The following RUNX1T1 variants were observed in gnomAD, a reference collection of about 807,000 sequenced individuals.
The protein encoded by RUNX1T1 is RUNX1 partner transcriptional co-repressor 1, also known as protein CBFA2T1.
Under a neutral mutation model 62.8 loss-of-function variants are expected in RUNX1T1, and 4 were observed. That is an observed-to-expected ratio of 0.06 (90% CI 0.03 to 0.15). The LOEUF is 0.15. Among genes scored for constraint, RUNX1T1 ranks in the 10% least tolerant of loss-of-function variants. The pLI, the probability that RUNX1T1 is intolerant of heterozygous loss-of-function variation, is 1.00. For missense variants in RUNX1T1, 508 were observed against 754.3 expected, an observed-to-expected ratio of 0.67 and a Z score of 3.82; for synonymous variants, 291 against 286.0, an observed-to-expected ratio of 1.02 and a Z score of -0.18.
intron 1 of RUNX1T1, among the ~76,000 whole-genome samples, chr8:92,025,835 C>G (rs917332806): frequency 6.6e-6 from 1 of 152,120 alleles, no homozygotes; most frequent in Non-Finnish European, 1.5e-5. Context: ...AAATTAATCA[C>G]TAAAGATAAA....
intron 8 of RUNX1T1, among the ~76,000 whole-genome samples, chr8:91,982,053 TG>T (rs1815405167): frequency 6.6e-6 from 1 of 151,420 alleles, no homozygotes; most frequent in Non-Finnish European, 1.5e-5. Flanking sequence ...AAAACCAGAC[TG>T]GGCAATACGG....
rs1837275098 is a variant in RUNX1T1, at chr8:92,093,014, A to C, written c.-86+6566T>G. On this transcript the variant is annotated intron_variant, in intron 1 of 11. Coordinates refer to the RUNX1T1 transcript ENST00000265814. ...AACAAAACAGCTCTTCAAATCCCGCACAAATTGAAAACAGGAAAACTGATT... is the reference window on the plus strand; with the variant it reads ...AACAAAACAGCTCTTCAAATCCCGCCCAAATTGAAAACAGGAAAACTGATT... Among the ~76,000 whole-genome samples, 4 of 152,308 alleles carry C rather than the reference A, an allele frequency of 2.6e-5. No homozygotes were observed. The South Asian group carries it at 8.3e-4, about 32-fold the overall frequency.
At chr8:91,970,176 A>G (rs1336939388) in intron 10 of RUNX1T1, among the ~76,000 whole-genome samples, 4 of 152,156 alleles carry the variant, frequency 2.6e-5, no homozygotes, top group Non-Finnish European at 5.9e-5. Context: ...GACTGTCTCT[A>G]AGATCTCTTA....
rs115365260 is a variant in RUNX1T1, at chr8:92,005,410, G to T, written c.478-113C>A. On this transcript the variant is annotated intron_variant, in intron 4 of 10. Transcript: ENST00000396218. ...AGTATGCAATGCAGCTACATCAAAG[G>T]TCAAATGCATGCCATGGGCTGGAAC... 6.1e-4 allele frequency: 537 copies of T among 875,880 alleles called. 1 individual carries two copies. The African/African-American group carries it at 8.4e-3, about 14-fold the overall frequency. 54.3% of individuals were successfully genotyped at this position (875,880 alleles called of 1,614,324 possible). A position where few individuals can be genotyped will look rare whatever the true frequency, so the allele number is the denominator to read the frequency against.
rs927227604 is a variant in RUNX1T1, at chr8:92,035,778, T to C, written c.8-18415A>G. Among the ~76,000 whole-genome samples, 3 of 152,016 alleles carry C rather than the reference T, an allele frequency of 2.0e-5. No homozygotes were observed. In the East Asian group the frequency reaches 5.8e-4, roughly 29 times the overall value. On this transcript the variant is annotated intron_variant, in intron 1 of 10. Coordinates refer to ENST00000396218, the Ensembl canonical transcript of RUNX1T1. The stretch of plus-strand genomic sequence containing the variant: ...TTAGCAGGAAATATCTGCATATATA[T>C]ATATATATATTCAAAAGCATCTAAG...
In RUNX1T1 at chr8:91,964,372, C is replaced by A. The variant is rs1287798208; in HGVS notation, c.1459-3855G>T. On this transcript the variant is annotated intron_variant, in intron 10 of 10. Coordinates refer to ENST00000396218, the Ensembl canonical transcript of RUNX1T1. Reference sequence around the variant, plus strand: ...CTCCAGGTCTTACATATCTATAATTCTTCAGAAAAACTTGCACAAAATCGA... The same window carrying A: ...CTCCAGGTCTTACATATCTATAATTATTCAGAAAAACTTGCACAAAATCGA... Among the ~76,000 whole-genome samples, 5 of 152,224 alleles carry A rather than the reference C, an allele frequency of 3.3e-5. No individual in the cohort carries two copies. The East Asian group carries it at 9.7e-4, about 29-fold the overall frequency.
intron 1 of RUNX1T1, among the ~76,000 whole-genome samples, chr8:92,020,154 A>G (rs898421918): frequency 6.6e-6 from 1 of 152,216 alleles, no homozygotes; most frequent in African/African-American, 2.4e-5. Context: ...GGATGGAGAT[A>G]GATGGTGAAA....
At chr8:92,088,253 T>G (rs773298649) in intron 1 of RUNX1T1, among the ~76,000 whole-genome samples, 1 of 152,220 alleles carries the variant, frequency 6.6e-6, no homozygotes, top group Non-Finnish European at 1.5e-5. Context: ...CCCAATATCA[T>G]CTGCTGTTCT....
In RUNX1T1 at chr8:92,009,753, C is replaced by T. The variant is rs555175041; in HGVS notation, c.477+1249G>A. The T allele has an allele frequency of 8.6e-5, 13 of 152,044 alleles. No homozygotes were observed. The East Asian group carries it at 1.5e-3, about 18-fold the overall frequency. The allele number at this position is 152,044 out of a possible 1,614,324, so 9.4% of individuals were successfully genotyped here. A position where few individuals can be genotyped will look rare whatever the true frequency, so the allele number is the denominator to read the frequency against. ...TTCAAATTGTTCAACAAACAATTTG[C>T]TTTTAAATAAGAATATAGTATTATA... On this transcript the variant is annotated intron_variant, in intron 4 of 10. Coordinates refer to ENST00000396218, the Ensembl canonical transcript of RUNX1T1.
intron 10 of RUNX1T1, among the ~76,000 whole-genome samples, chr8:91,961,055 C>A (rs1369047020): frequency 1.3e-5 from 2 of 152,320 alleles, no homozygotes; most frequent in Non-Finnish European, 2.9e-5. Flanking sequence ...AGGCAAAGTC[C>A]TTTAACCTCT....
chr8:92,099,997 T>A (rs1370487756), upstream of RUNX1T1, among the ~76,000 whole-genome samples: 2 of 152,154 alleles, frequency 1.3e-5, no homozygotes, highest in Admixed American at 1.3e-4. Flanking sequence ...GGAGAGCACA[T>A]CATCAAATAC....
chr8:91,970,057 G>GTGTGTGTA, intron 10 of RUNX1T1, among the ~76,000 whole-genome samples: 1 of 140,316 alleles, frequency 7.1e-6, no homozygotes, highest in African/African-American at 3.3e-5. Flanking sequence ...GTGTGTGTGT[G>GTGTGTGTA]TGAGAATTAT....
chr8:92,036,697 A>T (rs749834740), intron 1 of RUNX1T1, among the ~76,000 whole-genome samples: 7 of 152,180 alleles, frequency 4.6e-5, no homozygotes, highest in African/African-American at 7.2e-5. Flanking sequence ...AAGAACAATA[A>T]CTTACTTGTA....
intron 4 of RUNX1T1, chr8:92,006,014 A>ACACACACACACACACAC (rs75163926): frequency 6.6e-6 from 1 of 152,002 alleles, no homozygotes; most frequent in African/African-American, 2.4e-5. Flanking sequence ...ACACACACAC[A>ACACACACACACACACAC]TATTTCTTCT....
downstream of RUNX1T1, chr8:91,955,359 T>C (rs1251864758): frequency 4.4e-6 from 1 of 227,296 alleles, no homozygotes; most frequent in African/African-American, 2.2e-5. Context: ...ACATTAAAAA[T>C]AGGCAACTTG....
chr8:92,067,556 T>C (rs1002395025), upstream of RUNX1T1, among the ~76,000 whole-genome samples: 1 of 152,256 alleles, frequency 6.6e-6, no homozygotes, highest in African/African-American at 2.4e-5. Context: ...ATAGTCTCTA[T>C]GATATTCTTT....
At chr8:92,023,985 C>T (rs1053256113) in intron 1 of RUNX1T1, among the ~76,000 whole-genome samples, 2 of 152,106 alleles carry the variant, frequency 1.3e-5, no homozygotes, top group African/African-American at 4.8e-5. Flanking sequence ...GCACAAAAGC[C>T]AGCAACTAAC....
At chr8:91,973,942 T>A (rs1037837621) in intron 9 of RUNX1T1, among the ~76,000 whole-genome samples, 5 of 152,056 alleles carry the variant, frequency 3.3e-5, no homozygotes, top group African/African-American at 1.2e-4. Context: ...ACAAATTTAA[T>A]GTCATATTTT....
intron 5 of RUNX1T1, among the ~76,000 whole-genome samples, chr8:92,003,989 T>C (rs1306873591): frequency 6.6e-6 from 1 of 152,222 alleles, no homozygotes; most frequent in Non-Finnish European, 1.5e-5. Flanking sequence ...ATTACAGAGA[T>C]TGTAGCATAA....
Sources: allele counts gnomAD v4.1 joint callset (sites outside exome capture counted in the v4.1 genomes callset), GRCh38; gene constraint gnomAD v4.1.1; transcripts MANE v1.5; gene names NCBI Gene and HGNC (gene_info 2026-07-23, HGNC 2026-07-21).